The following CD38 variants were observed in gnomAD, a reference collection of about 807,000 sequenced individuals.
CD38 encodes the protein CD38 molecule, also known as ADP-ribosyl cyclase/cyclic ADP-ribose hydrolase 1.
A neutral mutation model predicts 36.3 loss-of-function variants in CD38; 31 were observed. The ratio of observed to expected loss-of-function variants is 0.85; its 90% CI spans 0.64 to 1.15. CD38 has a LOEUF of 1.15. Ranked by LOEUF, CD38 falls within the 50% of genes most tolerant of loss-of-function variation. The probability of loss-of-function intolerance (pLI) is 0.00; values close to 1 mark genes in which losing one functional copy is unlikely to be tolerated. For missense variants in CD38, 380 were observed against 371.9 expected (o/e 1.02, Z -0.18); for synonymous variants, 131 against 135.2 (o/e 0.97, Z 0.22).
rs1722746988 is a variant in CD38, at chr4:15,783,741, A to ATTTCTGAAGAAAATCT, written c.233+5096_233+5097insTCTGAAGAAAATCTTT. Among the ~76,000 whole-genome samples the ATTTCTGAAGAAAATCT allele has an allele frequency of 5.9e-5, 9 of 152,244 alleles. No individual in the cohort carries two copies. The South Asian group carries it at 1.9e-3, about 32-fold the overall frequency. ...GTGCCCACAAGGACCATCTTTTCTG[A>ATTTCTGAAGAAAATCT]TTCATGTTCATGTCGATTTCTTTTT... On this transcript the variant is annotated intron_variant, in intron 1 of 7. Coordinates refer to ENST00000226279, the MANE Select transcript of CD38 (RefSeq NM_001775.4).
intron 1 of CD38, among the ~76,000 whole-genome samples, chr4:15,785,138 G>C (rs1177656674): frequency 6.6e-6 from 1 of 152,006 alleles, no homozygotes; most frequent in African/African-American, 2.4e-5. Context: ...GTGGGGCCTG[G>C]GTGCTGCTAT....
chr4:15,783,542 C>T, intron 1 of CD38, among the ~76,000 whole-genome samples: 1 of 152,204 alleles, frequency 6.6e-6, no homozygotes, highest in East Asian at 1.9e-4. Flanking sequence ...TTCACTTCTG[C>T]ATCTCCAGTT....
intron 3 of CD38, among the ~76,000 whole-genome samples, chr4:15,833,140 C>G (rs1195367882): frequency 2.0e-5 from 3 of 152,152 alleles, no homozygotes; most frequent in Admixed American, 6.5e-5. Flanking sequence ...CCCCTCTGGC[C>G]CAGGGCAGGC....
At chr4:15,797,954 T>C (rs1352978591) in intron 1 of CD38, among the ~76,000 whole-genome samples, 1 of 152,080 alleles carries the variant, frequency 6.6e-6, no homozygotes, top group East Asian at 1.9e-4. Flanking sequence ...TTCAACATCG[T>C]TTGGGGGGGT....
At chr4:15,787,065 C>T (rs558677742) in intron 1 of CD38, among the ~76,000 whole-genome samples, 37 of 152,302 alleles carry the variant, frequency 2.4e-4, no homozygotes, top group African/African-American at 7.2e-4. Context: ...CTGGAACTCG[C>T]GCTGGCCCAC....
At chr4:15,816,940 C>T (rs1334934818) in intron 2 of CD38, among the ~76,000 whole-genome samples, 4 of 152,208 alleles carry the variant, frequency 2.6e-5, no homozygotes, top group Non-Finnish European at 4.4e-5. Context: ...AACAAATTAA[C>T]ACGACCTATA....
chr4:15,787,011 G>A (rs1432818992), intron 1 of CD38, among the ~76,000 whole-genome samples: 2 of 152,008 alleles, frequency 1.3e-5, no homozygotes, highest in Non-Finnish European at 2.9e-5. Context: ...GGCCTGCTGC[G>A]CTCGCCGGCC....
At position 15,847,798 on chromosome 4, in the gene CD38, A is replaced by T. The variant is rs79403231; in HGVS notation, c.840-741A>T. On this transcript the variant is annotated intron_variant, in intron 7 of 7. Transcript: ENST00000226279. The stretch of plus-strand genomic sequence containing the variant: ...CCTTTTTCTCATAAATGACCAGAAG[A>T]CCTTTATATTATAATTCGTCAACTC... 6.8e-3 allele frequency among the ~76,000 whole-genome samples: 1,041 copies of T among 152,114 alleles called. 12 individuals are homozygous for T. Among genetic ancestry groups the T allele is most frequent in the African/African-American group, 0.024 (988 of 41,472 alleles).
At position 15,852,336 on chromosome 4, in the gene CD38, T is replaced by C. The variant is rs889018815; in HGVS notation, c.*3734T>C. ...CTCAACCCATGTCTGCACACTGTGATACAAGGGGGACAGCATCGACATCGA... is the reference window on the plus strand; with the variant it reads ...CTCAACCCATGTCTGCACACTGTGACACAAGGGGGACAGCATCGACATCGA... On this transcript the variant is annotated 3_prime_UTR_variant, in exon 8 of 8. Transcript: ENST00000226279. The C allele has an allele frequency of 2.0e-5, 3 of 152,250 alleles. No individual in the cohort carries two copies. Among genetic ancestry groups the C allele is most frequent in the African/African-American group, 7.2e-5 (3 of 41,460 alleles). 9.4% of individuals were successfully genotyped at this position (152,250 alleles called of 1,614,324 possible).
chr4:15,795,218 C>CGTGT (rs143299140), intron 1 of CD38, among the ~76,000 whole-genome samples: 79 of 149,652 alleles, frequency 5.3e-4, no homozygotes, highest in African/African-American at 1.9e-3. Flanking sequence ...GAATTAGTTT[C>CGTGT]GTGTGTGTGT....
intron 1 of CD38, among the ~76,000 whole-genome samples, chr4:15,803,974 A>G (rs573623470): frequency 1.3e-5 from 2 of 152,318 alleles, no homozygotes; most frequent in South Asian, 4.1e-4. Context: ...GCTGCAAAAT[A>G]CATGATTTCA....
chr4:15,821,047 A>T (rs911364393), intron 2 of CD38, among the ~76,000 whole-genome samples: 1 of 152,164 alleles, frequency 6.6e-6, no homozygotes, highest in African/African-American at 2.4e-5. Context: ...ACTGAAAACC[A>T]TGCAATTACA....
At chr4:15,821,086 A>C (rs1173985072) in intron 2 of CD38, among the ~76,000 whole-genome samples, 1 of 152,166 alleles carries the variant, frequency 6.6e-6, no homozygotes, top group Non-Finnish European at 1.5e-5. Context: ...CTCCTGAATG[A>C]CTCCTGGGTA....
In CD38 at chr4:15,799,713, T is replaced by C. The variant is rs571991044; in HGVS notation, c.234-16798T>C. Among the ~76,000 whole-genome samples, 9 of 152,354 alleles carry C rather than the reference T, an allele frequency of 5.9e-5. No individual in the cohort carries two copies. In the South Asian group the frequency reaches 1.9e-3, roughly 32 times the overall value. ...GAACATTAGTGTACAAGTTATTGTA[T>C]GGACATACTGACAGAGCAGGAGCAC... is the stretch of plus-strand genomic sequence containing the variant. On this transcript the variant is annotated intron_variant, in intron 1 of 7. Transcript: ENST00000226279.
chr4:15,840,214 G>C (rs1248978547), intron 6 of CD38, 96 bp downstream of exon 6: 3 of 913,182 alleles, frequency 3.3e-6, no homozygotes, highest in Non-Finnish European at 5.4e-6. Flanking sequence ...AATTGACTCA[G>C]GAAATGAAAC....
Position 15,791,046 on chromosome 4 carries a change from G to T in CD38, c.233+12399G>T, listed in dbSNP as rs1196738891. Among the ~76,000 whole-genome samples the T allele has an allele frequency of 4.6e-5, 6 of 131,430 alleles. No homozygotes were observed. In the East Asian group the frequency reaches 1.4e-3, roughly 30 times the overall value. The allele number at this position is 131,430 out of a possible 152,430, so 86.2% of individuals were successfully genotyped here. ...AGCCACCCCGTCCGGGAGGGAGGTG[G>T]GGGGGGGTCAGCCCCCCGCCCGGCC... On this transcript the variant is annotated intron_variant, in intron 1 of 7. Transcript: ENST00000226279.
chr4:15,826,723 T>C (rs568540875), intron 3 of CD38, among the ~76,000 whole-genome samples: 147 of 151,636 alleles, frequency 9.7e-4, no homozygotes, highest in Admixed American at 1.6e-3. Flanking sequence ...CTGGGCAACA[T>C]AGTAAGACCC....
intron 1 of CD38, among the ~76,000 whole-genome samples, chr4:15,790,828 G>A (rs1389193127): frequency 5.0e-4 from 68 of 137,244 alleles, no homozygotes; most frequent in East Asian, 1.3e-3. Context: ...CTGCCCCGCC[G>A]CCCTGTCTGG....
At chr4:15,834,004 T>G (rs924530001) in intron 3 of CD38, among the ~76,000 whole-genome samples, 1 of 152,230 alleles carries the variant, frequency 6.6e-6, no homozygotes, top group Non-Finnish European at 1.5e-5. Context: ...TGCCACTGTG[T>G]TCCCATCTGG....
Sources: gnomAD v4.1 joint callset for allele counts (sites outside exome capture counted in the v4.1 genomes callset) on GRCh38, gnomAD v4.1.1 for gene constraint, MANE v1.5 for transcripts, NCBI Gene and HGNC (gene_info 2026-07-23, HGNC 2026-07-21) for gene names.